Variants in GTF2IRD1 observed in about 807,000 individuals in gnomAD.
The protein encoded by GTF2IRD1 is general transcription factor II-I repeat domain-containing protein 1.
A neutral mutation model predicts 113.2 loss-of-function variants in GTF2IRD1; 26 were observed. The ratio of observed to expected loss-of-function variants is 0.23; its 90% confidence interval spans 0.17 to 0.32. The LOEUF is 0.32. Ranked by LOEUF, GTF2IRD1 falls within the 10% of genes least tolerant of loss-of-function variation. The pLI, the probability that GTF2IRD1 is intolerant of heterozygous loss-of-function variation, is 1.00. For synonymous variants in GTF2IRD1, 484 were observed against 529.1 expected (o/e 0.91, Z 1.17); for missense variants, 864 against 1,280.8 (o/e 0.67, Z 4.97).
intron 1 of GTF2IRD1, among the ~76,000 whole-genome samples, chr7:74,459,008 G>A (rs1793181736): frequency 6.6e-6 from 1 of 151,988 alleles, no homozygotes; most frequent in East Asian, 1.9e-4. Context: ...CTCTCCACTC[G>A]TCCTGTGGAA....
At chr7:74,478,101 CG>C (rs768447858) in intron 1 of GTF2IRD1, among the ~76,000 whole-genome samples, 24 of 152,200 alleles carry the variant, frequency 1.6e-4, no homozygotes, top group Non-Finnish European at 2.9e-4. Flanking sequence ...GATAAGCCTC[CG>C]GGGCTCAGCC....
At position 74,602,359 on chromosome 7, in the gene GTF2IRD1, C is replaced by T; in HGVS notation, c.2767-6C>T. 1 of 1,612,792 alleles carries T rather than the reference C, an allele frequency of 6.2e-7. No homozygotes were observed. On this transcript the variant is annotated splice_region_variant and splice_polypyrimidine_tract_variant and intron_variant, in intron 26 of 26. Transcript: ENST00000424337. ...CCTAATCCAGTCCCTTTGTCCCTCT[C>T]TCTAGCAATGGCCAATGTACATGGT...
In GTF2IRD1 at chr7:74,459,171, G is replaced by T. The variant is rs567883758; in HGVS notation, c.-7+4995G>T. ...ATTTGCCCATTTAAGATAAGTTAGG[G>T]CCGGGTGCGGTGGCTCATGCCTGTA... On this transcript the variant is annotated intron_variant, in intron 1 of 26. Transcript: ENST00000424337. 4.6e-5 allele frequency among the ~76,000 whole-genome samples: 7 copies of T among 152,254 alleles called. No homozygotes were observed. In the East Asian group the frequency reaches 9.7e-4, roughly 21 times the overall value.
intron 1 of GTF2IRD1, among the ~76,000 whole-genome samples, chr7:74,491,308 A>ATTT (rs1375437240): frequency 7.6e-6 from 1 of 130,732 alleles, no homozygotes; most frequent in African/African-American, 3.2e-5. Context: ...AGAAAAAAAA[A>ATTT]TTCTTTTTTT....
intron 8 of GTF2IRD1, among the ~76,000 whole-genome samples, chr7:74,525,070 G>A (rs1433966702): frequency 6.6e-6 from 1 of 151,870 alleles, no homozygotes; most frequent in African/African-American, 2.4e-5. Flanking sequence ...TTGCCCATCA[G>A]GGGAACTATC....
intron 2 of GTF2IRD1, among the ~76,000 whole-genome samples, chr7:74,511,141 A>C (rs1796608684): frequency 6.6e-6 from 1 of 151,782 alleles, no homozygotes. Context: ...TAGTTATCCT[A>C]GCAGTGCGAA....
At chr7:74,458,658 CT>C (rs71094791) in intron 1 of GTF2IRD1, among the ~76,000 whole-genome samples, 78,863 of 139,794 alleles carry the variant, frequency 0.56, 22,916 homozygotes, top group East Asian at 0.8. Context: ...ACCCCCCTTT[CT>C]TTTTTTTTTT....
chr7:74,472,512 C>T (rs1461975763), intron 1 of GTF2IRD1, among the ~76,000 whole-genome samples: 2 of 151,962 alleles, frequency 1.3e-5, no homozygotes, highest in African/African-American at 2.4e-5. Flanking sequence ...TTTGGGAGGC[C>T]GAGGCAGGAG....
chr7:74,544,653 G>A, intron 14 of GTF2IRD1, 102 bp from the exon 15 acceptor site: 1 of 1,175,128 alleles, frequency 8.5e-7, no homozygotes. Flanking sequence ...CAGAGTTGGG[G>A]CCCCCTGGCC....
chr7:74,525,030 C>T (rs1450248773), intron 8 of GTF2IRD1, among the ~76,000 whole-genome samples: 3 of 151,386 alleles, frequency 2.0e-5, no homozygotes, highest in Admixed American at 2.0e-4. Context: ...GAGCGAGACC[C>T]TATCTCTACA....
chr7:74,471,672 T>TAAAAAAA (rs66929736), intron 1 of GTF2IRD1, among the ~76,000 whole-genome samples: 1 of 104,694 alleles, frequency 9.6e-6, no homozygotes, highest in Non-Finnish European at 1.8e-5. Context: ...TTGAAATATT[T>TAAAAAAA]AAAAAAAAAA....
In GTF2IRD1 at chr7:74,602,552, T is replaced by A; in HGVS notation, c.*119T>A. 3.1e-6 allele frequency: 2 copies of A among 651,678 alleles called. No homozygotes were observed. The highest frequency in any genetic ancestry group is 4.9e-6 in the Non-Finnish European group (2 of 406,028). 40.4% of individuals were successfully genotyped at this position (651,678 alleles called of 1,614,324 possible). A position where few individuals can be genotyped will look rare whatever the true frequency, so the allele number is the denominator to read the frequency against. ...AGTTTTTCCAATGATTTTTACACTA[T>A]ATTCCTGCCACCAAGGCCTTTTTAA... On this transcript the variant is annotated 3_prime_UTR_variant, in exon 27 of 27. Transcript: ENST00000424337.
chr7:74,578,537 C>T (rs1554365181), intron 22 of GTF2IRD1, among the ~76,000 whole-genome samples: 1 of 152,186 alleles, frequency 6.6e-6, no homozygotes, highest in Non-Finnish European at 1.5e-5. Context: ...TGCTGTTTTC[C>T]ACTTAGCTTT....
chr7:74,499,206 A>G lies in GTF2IRD1; in HGVS notation c.-6-8869A>G, dbSNP rs1283776757. 2.6e-5 allele frequency among the ~76,000 whole-genome samples: 4 copies of G among 152,248 alleles called. No homozygotes were observed. In the East Asian group the frequency reaches 7.7e-4, roughly 29 times the overall value. On this transcript the variant is annotated intron_variant, in intron 1 of 26. Coordinates refer to ENST00000424337, the MANE Select transcript of GTF2IRD1 (RefSeq NM_005685.4). The stretch of plus-strand genomic sequence containing the variant: ...ACTCCCAGCCTTGCCACGACCTACC[A>G]GGTCTCCAGCTCCTGCTGAGCTCTT...
At chr7:74,496,566 A>ATGTGTGGGTGTGCATG (rs1795733046) in intron 1 of GTF2IRD1, among the ~76,000 whole-genome samples, 1 of 74,184 alleles carries the variant, frequency 1.3e-5, no homozygotes, top group East Asian at 4.8e-4. Flanking sequence ...GGGGGTGTAC[A>ATGTGTGGGTGTGCATG]TGTGTGGGTG....
chr7:74,465,351 T>A (rs550999447), intron 1 of GTF2IRD1, among the ~76,000 whole-genome samples: 54 of 152,194 alleles, frequency 3.5e-4, no homozygotes, highest in African/African-American at 1.3e-3. Context: ...TGGCCCTGGG[T>A]CAGAGGCCAG....
chr7:74,534,763 C>T (rs782340525), intron 9 of GTF2IRD1, among the ~76,000 whole-genome samples: 3 of 148,212 alleles, frequency 2.0e-5, no homozygotes, highest in Non-Finnish European at 3.0e-5. Context: ...ATTAGCAGGG[C>T]ATGGTGGTGC....
At position 74,512,793 on chromosome 7, in the gene GTF2IRD1, G is replaced by A. The variant is rs1796711977; in HGVS notation, c.124-37G>A. On this transcript the variant is annotated intron_variant, in intron 2 of 26. Transcript: ENST00000424337. This position sits in a 1 kb window ranked among gnomAD's most constrained non-coding sequence, Gnocchi z 4.4. ...GATACTAGAGGTGTTCGGAGTATGG[G>A]GAGCCCTTCCGCTCACACAGCCTGC... 1 of 1,606,388 alleles carries A rather than the reference G, an allele frequency of 6.2e-7. No individual in the cohort carries two copies. Among genetic ancestry groups the A allele is most frequent in the African/African-American group, 1.3e-5 (1 of 74,834 alleles).
intron 1 of GTF2IRD1, among the ~76,000 whole-genome samples, chr7:74,466,047 A>G (rs1554330738): frequency 6.6e-6 from 1 of 152,224 alleles, no homozygotes; most frequent in East Asian, 1.9e-4. Flanking sequence ...TTGGGATTAT[A>G]GGCATGAGCC....
Sources: allele counts gnomAD v4.1 joint callset (sites outside exome capture counted in the v4.1 genomes callset), GRCh38; gene constraint gnomAD v4.1.1; non-coding constraint Gnocchi (gnomAD v3.1); transcripts MANE v1.5; gene names NCBI Gene and HGNC (gene_info 2026-07-23, HGNC 2026-07-21).